C19orf47: variants seen among roughly 807,000 people sequenced by gnomAD.
The protein encoded by C19orf47 is chromosome 19 open reading frame 47.
Under a neutral mutation model 32.3 loss-of-function variants are expected in C19orf47, and 18 were observed. That is an observed-to-expected ratio of 0.56 (90% CI 0.39 to 0.83). C19orf47 has a LOEUF of 0.83. C19orf47 is among the 40% of genes least tolerant of loss of function. The pLI, the probability that C19orf47 is intolerant of heterozygous loss-of-function variation, is 0.00. For synonymous variants in C19orf47, 202 were observed against 211.1 expected (o/e 0.96, Z 0.37); for missense variants, 484 against 531.6 (o/e 0.91, Z 0.88).
rs1212481865 is a variant in C19orf47, at chr19:40,321,847, C to A, written c.*35G>T. On this transcript the variant is annotated 3_prime_UTR_variant, in exon 9 of 9. Coordinates refer to ENST00000683109, the MANE Select transcript of C19orf47 (RefSeq NM_001256441.2). ...CTGGGGCGGCCAGGGCAGATGCCCG[C>A]AGGCTCTGCTGCCTGCACCCCGCCC... is the stretch of plus-strand genomic sequence containing the variant. The A allele has an allele frequency of 6.6e-7, 1 of 1,505,244 alleles. No individual in the cohort carries two copies. The highest frequency in any genetic ancestry group is 2.4e-5 in the East Asian group (1 of 42,252). 93.2% of individuals were successfully genotyped at this position (1,505,244 alleles called of 1,614,324 possible).
intron 2 of C19orf47, 55 bp downstream of exon 2, chr19:40,341,784 A>T: frequency 6.5e-7 from 1 of 1,535,044 alleles, no homozygotes; most frequent in Admixed American, 2.0e-5. Flanking sequence ...CCAAGGCCAT[A>T]CCTCAAAAAG....
chr19:40,301,607 T>C, the C19orf47 span, among the ~76,000 whole-genome samples: 2 of 151,808 alleles, frequency 1.3e-5, no homozygotes, highest in Non-Finnish European at 2.9e-5. Context: ...CCCAAAGTGC[T>C]GGGATTGCAG....
At chr19:40,306,847 G>A in the C19orf47 span, among the ~76,000 whole-genome samples, 2 of 143,358 alleles carry the variant, frequency 1.4e-5, no homozygotes, top group Non-Finnish European at 3.0e-5. Context: ...GGAGTGCAGT[G>A]GTGCGATCTC....
chr19:40,300,927 G>A, the C19orf47 span, among the ~76,000 whole-genome samples: 48 of 152,182 alleles, frequency 3.2e-4, no homozygotes, highest in Admixed American at 4.6e-4. Context: ...CCAGGCAGGC[G>A]GTTCATTTAA....
At chr19:40,297,383 T>C in the C19orf47 span, among the ~76,000 whole-genome samples, 4 of 151,898 alleles carry the variant, frequency 2.6e-5, no homozygotes, top group Admixed American at 1.3e-4. Context: ...CTGGCCAACA[T>C]AGTGAAACCC....
chr19:40,321,930 G>A lies in C19orf47; in HGVS notation c.1110C>T (p.His370=), dbSNP rs375532778. The change falls in exon 9 of 9, where the codon CAC becomes CAT. Residue 370 remains histidine (H), a synonymous_variant. Transcript: ENST00000683109. ...SSEGLGAQMD[H]AGTVSVFKRL... ...TTTTGAACACGCTCACAGTGCCCGC[G>A]TGGTCCATCTGGGCACCAAGGCCCT... The A allele has an allele frequency of 8.7e-6, 14 of 1,613,304 alleles. No individual in the cohort carries two copies. The highest frequency in any genetic ancestry group is 4.5e-5 in the East Asian group (2 of 44,876).
At chr19:40,294,099 G>A in the C19orf47 span, among the ~76,000 whole-genome samples, 2 of 152,178 alleles carry the variant, frequency 1.3e-5, no homozygotes, top group South Asian at 4.2e-4. Flanking sequence ...CAGCCTGGGC[G>A]ACAGAGCAAT....
chr19:40,334,434 G>A (rs2078018132), intron 4 of C19orf47, among the ~76,000 whole-genome samples: 1 of 152,000 alleles, frequency 6.6e-6, no homozygotes, highest in South Asian at 2.1e-4. Context: ...GGGCAACAGA[G>A]TGAGACCCTG....
chr19:40,307,791 T>C, the C19orf47 span, among the ~76,000 whole-genome samples: 2 of 152,010 alleles, frequency 1.3e-5, no homozygotes, highest in East Asian at 1.9e-4. Flanking sequence ...ATCTTGGTTT[T>C]TTTGGTTTTG....
At chr19:40,319,221 G>A (rs1455182705), downstream of C19orf47, among the ~76,000 whole-genome samples, 1 of 151,592 alleles carries the variant, frequency 6.6e-6, no homozygotes, top group Non-Finnish European at 1.5e-5. Flanking sequence ...AGTGAGCCAA[G>A]ATCATGACAT....
chr19:40,317,410 A>T (rs2077669318), downstream of C19orf47, among the ~76,000 whole-genome samples: 3 of 152,192 alleles, frequency 2.0e-5, no homozygotes, highest in South Asian at 6.2e-4. Flanking sequence ...CCTGGGCAAC[A>T]TAGAAAGACC....
chr19:40,344,759 C>T (rs755731916), intron 1 of C19orf47, among the ~76,000 whole-genome samples: 50 of 152,090 alleles, frequency 3.3e-4, no homozygotes, highest in Non-Finnish European at 6.2e-4. Flanking sequence ...ACAAGTTCTT[C>T]CTGATTCTGA....
Position 40,324,353 on chromosome 19 carries a change from T to C in C19orf47, c.593-277A>G, listed in dbSNP as rs987515333. ...CTGTGTGCACGGGAAGAGTTCTTAG[T>C]GCCTGCATGTTCCTTTCACTTCTTG... is the stretch of plus-strand genomic sequence containing the variant. On this transcript the variant is annotated intron_variant, in intron 7 of 8. Coordinates refer to ENST00000683109, the MANE Select transcript of C19orf47 (RefSeq NM_001256441.2). 6.0e-6 allele frequency: 3 copies of C among 502,726 alleles called. No homozygotes were observed. The South Asian group carries it at 8.2e-5, about 14-fold the overall frequency. The allele number at this position is 502,726 out of a possible 1,614,324, so 31.1% of individuals were successfully genotyped here.
chr19:40,348,318 C>T lies in C19orf47; in HGVS notation c.-34+6G>A. 7.4e-6 allele frequency: 10 copies of T among 1,342,820 alleles called. No homozygotes were observed. The highest frequency in any genetic ancestry group is 9.5e-6 in the Non-Finnish European group (10 of 1,050,746). The allele number at this position is 1,342,820 out of a possible 1,614,324, so 83.2% of individuals were successfully genotyped here. A position where few individuals can be genotyped will look rare whatever the true frequency, so the allele number is the denominator to read the frequency against. On this transcript the variant is annotated splice_donor_region_variant and intron_variant, in intron 1 of 8. Coordinates refer to ENST00000683109, the MANE Select transcript of C19orf47 (RefSeq NM_001256441.2). Reference sequence around the variant, plus strand: ...CCAGTCCCACCACCCCCGGCCCGCGCCTCACCTGGCCCACCGGGCCCGCGC... The same window carrying T: ...CCAGTCCCACCACCCCCGGCCCGCGTCTCACCTGGCCCACCGGGCCCGCGC...
intron 2 of C19orf47, among the ~76,000 whole-genome samples, chr19:40,337,176 T>C (rs1440563718): frequency 1.3e-5 from 2 of 152,108 alleles, no homozygotes; most frequent in Non-Finnish European, 2.9e-5. Context: ...GCTGAGATTT[T>C]AGTGATAACA....
chr19:40,331,570 T>C (rs981516823), intron 5 of C19orf47, among the ~76,000 whole-genome samples: 1 of 151,032 alleles, frequency 6.6e-6, no homozygotes, highest in Non-Finnish European at 1.5e-5. Context: ...CCCAGGACTT[T>C]GAGGCTACAG....
chr19:40,322,040 T>A lies in C19orf47; in HGVS notation c.1000A>T (p.Thr334Ser). The part of the protein sequence containing the change: ...LVPEAQDSQV[T>S]STKSKSSAEV... Reference sequence around the variant, plus strand: ...GCTGAGGACTTACTCTTGGTGCTGGTGACCTGGCTGTCCTGGGCCTCGGGC... The same window carrying A: ...GCTGAGGACTTACTCTTGGTGCTGGAGACCTGGCTGTCCTGGGCCTCGGGC... Residue 334 changes from threonine to serine, a missense_variant, in exon 9 of 9, where the codon ACC (threonine) becomes TCC (serine). Physicochemically the swap from Thr to Ser is moderately conservative, Grantham distance 58 (BLOSUM62 1). Around this residue, in one of 3 missense-constraint regions of C19orf47, gnomAD observed 51 missense variants for 74.5 expected, o/e 0.68. Transcript: ENST00000683109. 1 of 1,614,178 alleles carries A rather than the reference T, an allele frequency of 6.2e-7. No individual in the cohort carries two copies.
chr19:40,344,234 T>A (rs1043297806), intron 1 of C19orf47, among the ~76,000 whole-genome samples: 2 of 151,666 alleles, frequency 1.3e-5, no homozygotes, highest in African/African-American at 4.8e-5. Flanking sequence ...ATCCCAGCAC[T>A]TTGGGAGGTC....
the C19orf47 span, among the ~76,000 whole-genome samples, chr19:40,297,855 C>CA: frequency 7.3e-6 from 1 of 136,282 alleles, no homozygotes; most frequent in African/African-American, 2.7e-5. Context: ...GGCCGAGCGA[C>CA]AGAGGTGACT....
Sources: allele counts gnomAD v4.1 joint callset (sites outside exome capture counted in the v4.1 genomes callset), GRCh38; gene constraint gnomAD v4.1.1; regional missense constraint gnomAD v4.1.1; transcripts MANE v1.5; gene names NCBI Gene and HGNC (gene_info 2026-07-23, HGNC 2026-07-21).